Variants in NTRK3 observed in about 807,000 individuals in gnomAD.
NTRK3 encodes NT-3 growth factor receptor.
In NTRK3, 24 loss-of-function variants were observed where a neutral mutation model predicts 91.7. That is an observed-to-expected ratio of 0.26 (90% CI 0.19 to 0.37). The LOEUF is 0.37. Ranked by LOEUF, NTRK3 falls within the 10% of genes least tolerant of loss-of-function variation. The pLI is 1.00. For synonymous variants in NTRK3, 483 were observed against 404.0 expected, an observed-to-expected ratio of 1.20 and a Z score of -2.34; for missense variants, 880 against 1,068.9, an observed-to-expected ratio of 0.82 and a Z score of 2.46.
chr15:87,976,410 AC>A (rs1399955490), intron 14 of NTRK3, among the ~76,000 whole-genome samples: 1 of 152,214 alleles, frequency 6.6e-6, no homozygotes, highest in Non-Finnish European at 1.5e-5. Context: ...GAGCTCTTCC[AC>A]ATTACTTTAC....
At chr15:88,210,653 T>G (rs1237025447) in intron 3 of NTRK3, among the ~76,000 whole-genome samples, 4 of 152,202 alleles carry the variant, frequency 2.6e-5, no homozygotes, top group African/African-American at 9.7e-5. Flanking sequence ...GCCCCTGGTT[T>G]TATTTAGAAA....
chr15:88,196,542 G>T (rs926987027), intron 3 of NTRK3, among the ~76,000 whole-genome samples: 3 of 152,204 alleles, frequency 2.0e-5, no homozygotes, highest in Non-Finnish European at 4.4e-5. Flanking sequence ...GGGAGGAAAT[G>T]ATATTCACCC....
intron 14 of NTRK3, among the ~76,000 whole-genome samples, chr15:88,015,554 C>T (rs1477482902): frequency 1.4e-5 from 2 of 140,596 alleles, no homozygotes; most frequent in African/African-American, 6.6e-5. Context: ...CTAATTTAAA[C>T]AAGCCACTGC....
chr15:88,195,423 T>A (rs962765428), intron 3 of NTRK3, among the ~76,000 whole-genome samples: 1 of 152,232 alleles, frequency 6.6e-6, no homozygotes, highest in African/African-American at 2.4e-5. Context: ...AATTAATAAA[T>A]GACTGTCCCT....
chr15:87,949,928 C>T (rs1315310701), intron 14 of NTRK3, among the ~76,000 whole-genome samples: 1 of 152,170 alleles, frequency 6.6e-6, no homozygotes, highest in East Asian at 1.9e-4. Context: ...ACTTGCTGGG[C>T]CCCCTCCTTC....
chr15:88,028,524 G>A (rs993393830), intron 14 of NTRK3, among the ~76,000 whole-genome samples: 5 of 152,128 alleles, frequency 3.3e-5, no homozygotes, highest in Admixed American at 2.0e-4. Flanking sequence ...AAGAGGTGTG[G>A]CGATGGGCAG....
chr15:88,039,118 A>AACACACACACAC (rs66499066), intron 13 of NTRK3, among the ~76,000 whole-genome samples: 4 of 139,308 alleles, frequency 2.9e-5, no homozygotes, highest in African/African-American at 1.1e-4. Flanking sequence ...TTGAGCCCTC[A>AACACACACACAC]ACACACACAC....
At chr15:87,867,291 A>G (rs1001090592) in exon 19 of NTRK3, 4 of 226,492 alleles carry the variant, frequency 1.8e-5, no homozygotes, top group Non-Finnish European at 3.5e-5. Flanking sequence ...AAAGAGGGAG[A>G]TGAGCCAATA....
At chr15:88,164,645 C>T (rs533467023) in intron 5 of NTRK3, among the ~76,000 whole-genome samples, 36 of 152,238 alleles carry the variant, frequency 2.4e-4, no homozygotes, top group African/African-American at 8.4e-4. Flanking sequence ...GCCAGCAATA[C>T]CCATGTCCTC....
chr15:88,150,957 C>G (rs2043318359), intron 5 of NTRK3, among the ~76,000 whole-genome samples: 1 of 152,082 alleles, frequency 6.6e-6, no homozygotes. Context: ...CTATATGCAC[C>G]TGTCATCAAT....
At chr15:88,001,437 C>T (rs1280324092) in intron 14 of NTRK3, among the ~76,000 whole-genome samples, 1 of 151,974 alleles carries the variant, frequency 6.6e-6, no homozygotes, top group African/African-American at 2.4e-5. Flanking sequence ...GAAACTTGCA[C>T]CTAAGTTTTC....
chr15:87,868,715 G>C (rs143767071), exon 19 of NTRK3: 2 of 220,468 alleles, frequency 9.1e-6, no homozygotes, highest in Middle Eastern at 1.4e-3. Flanking sequence ...TGTGGCTGTT[G>C]TGCCACAATG....
chr15:87,950,596 C>T (rs1187932821), intron 14 of NTRK3, among the ~76,000 whole-genome samples: 1 of 152,166 alleles, frequency 6.6e-6, no homozygotes, highest in African/African-American at 2.4e-5. Context: ...GACACATCCT[C>T]AGAGGCCGCA....
At chr15:88,135,520 G>T in intron 9 of NTRK3, 123 bp from the exon 10 acceptor site, 1 of 1,116,856 alleles carries the variant, frequency 9.0e-7, no homozygotes, top group Non-Finnish European at 1.3e-6. Flanking sequence ...GCTGAGGGAA[G>T]CAGAAGTCCC....
chr15:88,224,475 G>A (rs149351605), intron 3 of NTRK3, among the ~76,000 whole-genome samples: 109 of 152,338 alleles, frequency 7.2e-4, no homozygotes, highest in African/African-American at 2.5e-3. Flanking sequence ...AGGGGACCTT[G>A]GGTACATTAT....
rs181758401 is a variant in NTRK3 at position 87,997,588 on chromosome 15, C to T, written c.1585+35269G>A. On this transcript the variant is annotated intron_variant, in intron 14 of 18. Coordinates refer to ENST00000394480, the Ensembl canonical transcript of NTRK3. ...TTTTTTTTATATGAGTTCTCTTTGG[C>T]AGATCATATACTCTTATTCTAAAAA... Among the ~76,000 whole-genome samples the T allele has an allele frequency of 1.1e-4, 17 of 152,198 alleles. No homozygotes were observed. In the East Asian group the frequency reaches 3.1e-3, roughly 28 times the overall value.
chr15:87,860,816 C>T (rs17750574), exon 19 of NTRK3: 4,343 of 214,406 alleles, frequency 0.02, 56 homozygotes, highest in Non-Finnish European at 0.03. Flanking sequence ...ACGAGCATCA[C>T]GTAGGAGTAT....
intron 17 of NTRK3, among the ~76,000 whole-genome samples, chr15:87,915,120 G>A (rs577240596): frequency 6.6e-6 from 1 of 152,208 alleles, no homozygotes; most frequent in East Asian, 1.9e-4. Flanking sequence ...GGTGGTGGTG[G>A]TGGTGACAAA....
chr15:88,128,337 G>C (rs985974128), intron 11 of NTRK3, among the ~76,000 whole-genome samples: 2 of 152,174 alleles, frequency 1.3e-5, no homozygotes, highest in African/African-American at 4.8e-5. Flanking sequence ...AGAAACACTA[G>C]CAGGTTTATA....
Sources: gnomAD v4.1 joint callset for allele counts (sites outside exome capture counted in the v4.1 genomes callset) on GRCh38, gnomAD v4.1.1 for gene constraint, MANE v1.5 for transcripts, NCBI Gene and HGNC (gene_info 2026-07-23, HGNC 2026-07-21) for gene names.